Variants in PSMF1 observed in about 807,000 individuals in gnomAD.
The protein encoded by PSMF1 is proteasome inhibitor subunit 1, also known as proteasome inhibitor PI31 subunit.
Under a neutral mutation model 29.3 loss-of-function variants are expected in PSMF1, and 30 were observed. The ratio of observed to expected loss-of-function variants is 1.02; its 90% confidence interval spans 0.77 to 1.39. The LOEUF is 1.39. Ranked by LOEUF, PSMF1 falls within the 40% of genes most tolerant of loss-of-function variation. PSMF1 has a pLI of 0.00. For synonymous variants in PSMF1, 134 were observed against 139.7 expected (o/e 0.96, Z 0.29); for missense variants, 344 against 357.5 (o/e 0.96, Z 0.31).
upstream of PSMF1, among the ~76,000 whole-genome samples, chr20:1,115,994 G>C (rs2086008474): frequency 6.6e-6 from 1 of 150,736 alleles, no homozygotes; most frequent in African/African-American, 2.4e-5. Flanking sequence ...GCCTCCCAAA[G>C]TGCTGGGATT....
Position 1,165,223 on chromosome 20 carries a change from AC to A in PSMF1, c.*147del. On this transcript the variant is annotated 3_prime_UTR_variant, in exon 7 of 7. Coordinates refer to ENST00000335877, the MANE Select transcript of PSMF1 (RefSeq NM_006814.5). The stretch of plus-strand genomic sequence containing the variant: ...GCAGACCGGCTGGGATAGCCTCCCC[AC>A]CCCTTATCAGAGCCAAGACACCTGC... 1 of 1,465,750 alleles carries A rather than the reference AC, an allele frequency of 6.8e-7. No individual in the cohort carries two copies. The highest frequency in any genetic ancestry group is 9.0e-7 in the Non-Finnish European group (1 of 1,108,524). 90.8% of individuals were successfully genotyped at this position (1,465,750 alleles called of 1,614,324 possible). A position where few individuals can be genotyped will look rare whatever the true frequency, so the allele number is the denominator to read the frequency against.
In PSMF1 at chr20:1,171,851, C is replaced by T. The variant is rs1453763018; in HGVS notation, c.*6771C>T. On this transcript the variant is annotated 3_prime_UTR_variant, in exon 7 of 7. Transcript: ENST00000335877. ...ATACAGAGCCCTGCCCTCTCCCTCT[C>T]CTTCAGAAGGAAGTATGGGAGCAGT... Among the ~76,000 whole-genome samples the T allele has an allele frequency of 6.6e-6, 1 of 152,250 alleles. No homozygotes were observed. The highest frequency in any genetic ancestry group is 1.5e-5 in the Non-Finnish European group (1 of 68,044).
At chr20:1,131,867 C>T (rs1180023297) in intron 3 of PSMF1, among the ~76,000 whole-genome samples, 2 of 152,022 alleles carry the variant, frequency 1.3e-5, no homozygotes, top group Non-Finnish European at 2.9e-5. Context: ...TTTAATCAGG[C>T]CTGAATTTTA....
At chr20:1,151,134 T>C (rs1381247429) in intron 4 of PSMF1, among the ~76,000 whole-genome samples, 2 of 152,196 alleles carry the variant, frequency 1.3e-5, no homozygotes, top group African/African-American at 4.8e-5. Context: ...ATCCCTTTGG[T>C]TTTTTCCTGT....
rs572965921 is a variant in PSMF1 at position 1,120,336 on chromosome 20, C to G, written c.129+1434C>G. On this transcript the variant is annotated intron_variant, in intron 1 of 6. Transcript: ENST00000335877. ...GACTAGATATGAGGATGGAAAAGAA[C>G]AGCTAGCCTTTCACACACACATACC... 4.6e-5 allele frequency among the ~76,000 whole-genome samples: 7 copies of G among 152,284 alleles called. No homozygotes were observed. The East Asian group carries it at 1.3e-3, about 29-fold the overall frequency.
At chr20:1,152,270 G>A (rs1404912414) in intron 4 of PSMF1, among the ~76,000 whole-genome samples, 1 of 152,214 alleles carries the variant, frequency 6.6e-6, no homozygotes, top group Non-Finnish European at 1.5e-5. Context: ...AGAAAACTGA[G>A]GCAGCAAGAG....
At chr20:1,127,214 G>A in intron 2 of PSMF1, 1 of 722,636 alleles carries the variant, frequency 1.4e-6, no homozygotes, top group Non-Finnish European at 2.5e-6. Context: ...TGGGAAGTAG[G>A]TGTTTTAGTC....
rs1028173455 is a variant in PSMF1, at chr20:1,170,003, A to G, written c.*4923A>G. Among the ~76,000 whole-genome samples the G allele has an allele frequency of 6.6e-6, 1 of 152,202 alleles. No individual in the cohort carries two copies. Among genetic ancestry groups the G allele is most frequent in the Non-Finnish European group, 1.5e-5 (1 of 68,036 alleles). ...GCTTGCTCTAAGTACACATTAGTAC[A>G]TGCTGGGCCCCAATCTAGATCTCAA... On this transcript the variant is annotated 3_prime_UTR_variant, in exon 7 of 7. Transcript: ENST00000335877.
chr20:1,162,650 G>C (rs887024286), intron 4 of PSMF1, among the ~76,000 whole-genome samples: 9 of 152,094 alleles, frequency 5.9e-5, no homozygotes, highest in Non-Finnish European at 1.0e-4. Context: ...TACATCTGTA[G>C]TACTAAAATT....
chr20:1,136,982 C>T (rs1317914220), intron 4 of PSMF1, among the ~76,000 whole-genome samples: 1 of 152,224 alleles, frequency 6.6e-6, no homozygotes, highest in Non-Finnish European at 1.5e-5. Context: ...TTAGGCTTTA[C>T]ACCTCCATGA....
intron 4 of PSMF1, among the ~76,000 whole-genome samples, chr20:1,157,010 G>C (rs374253023): frequency 3.3e-5 from 5 of 152,276 alleles, no homozygotes; most frequent in African/African-American, 1.2e-4. Flanking sequence ...ACAATAGGCT[G>C]TCGGCAAGCT....
chr20:1,161,084 GC>G, intron 4 of PSMF1: 1 of 484,604 alleles, frequency 2.1e-6, no homozygotes, highest in Non-Finnish European at 3.5e-6. Flanking sequence ...CAAGGGCTAT[GC>G]CCTCCCCACG....
chr20:1,147,761 C>T (rs1390066609), intron 4 of PSMF1, among the ~76,000 whole-genome samples: 3 of 152,116 alleles, frequency 2.0e-5, no homozygotes, highest in Non-Finnish European at 2.9e-5. Flanking sequence ...CTGTGTTGAC[C>T]CTGATTTCTT....
chr20:1,115,481 A>C (rs1239716875), upstream of PSMF1, among the ~76,000 whole-genome samples: 1 of 152,248 alleles, frequency 6.6e-6, no homozygotes, highest in East Asian at 1.9e-4. Context: ...ATGTACCAGC[A>C]ATTTGAATCA....
intron 3 of PSMF1, among the ~76,000 whole-genome samples, chr20:1,128,938 C>T (rs1195640273): frequency 2.6e-5 from 4 of 151,866 alleles, no homozygotes; most frequent in Admixed American, 1.3e-4. Flanking sequence ...TGCAGTGGCG[C>T]GATCTCGGCT....
chr20:1,135,157 T>G lies in PSMF1; in HGVS notation c.402T>G (p.Ile134Met). 1 of 1,614,136 alleles carries G rather than the reference T, an allele frequency of 6.2e-7. No homozygotes were observed. Among genetic ancestry groups the G allele is most frequent in the Non-Finnish European group, 8.5e-7 (1 of 1,180,026 alleles). ...YKNSEELRSR[I>M]VSGIITPIHE... The stretch of plus-strand genomic sequence containing the variant: ...ACAGTGAGGAGCTTCGGTCTCGTAT[T>G]GTGTCTGGAATCATCACACCTATCC... The change falls in exon 4 of 7, where the codon ATT (isoleucine) becomes ATG (methionine). Residue 134 changes from isoleucine to methionine, a missense_variant. Transcript: ENST00000335877.
chr20:1,127,178 T>A, intron 2 of PSMF1: 1 of 659,430 alleles, frequency 1.5e-6, no homozygotes, highest in East Asian at 2.7e-5. Flanking sequence ...TCAATTACCA[T>A]GCCTGAGCCC....
chr20:1,118,589 T>A (rs1374524838), upstream of PSMF1: 1 of 660,556 alleles, frequency 1.5e-6, no homozygotes. Flanking sequence ...CGCCCGCTGT[T>A]GGGACTACTT....
rs1006887452 is a variant in PSMF1, at chr20:1,165,395, G to A, written c.*315G>A. On this transcript the variant is annotated 3_prime_UTR_variant, in exon 7 of 7. Transcript: ENST00000335877. Reference sequence around the variant, plus strand: ...CTTCAGCAACATATATCCTCGACCAGATGCAGTGCTATAAGAACAGAACGC... The same window carrying A: ...CTTCAGCAACATATATCCTCGACCAAATGCAGTGCTATAAGAACAGAACGC... 4 of 1,264,178 alleles carry A rather than the reference G, an allele frequency of 3.2e-6. No individual in the cohort carries two copies. The Admixed American group carries it at 1.1e-4, about 36-fold the overall frequency. The allele number at this position is 1,264,178 out of a possible 1,614,324, so 78.3% of individuals were successfully genotyped here.
Sources: gnomAD v4.1 joint callset for allele counts (sites outside exome capture counted in the v4.1 genomes callset) on GRCh38, gnomAD v4.1.1 for gene constraint, MANE v1.5 for transcripts, NCBI Gene and HGNC (gene_info 2026-07-23, HGNC 2026-07-21) for gene names.